Variants in TAS1R1 observed in about 807,000 individuals in gnomAD.
The protein encoded by TAS1R1 is taste 1 receptor member 1.
A neutral mutation model predicts 45.8 loss-of-function variants in TAS1R1; 31 were observed. The ratio of observed to expected loss-of-function variants is 0.68; its 90% CI spans 0.51 to 0.91. TAS1R1 has a LOEUF of 0.91. TAS1R1 is among the 40% of genes least tolerant of loss of function. TAS1R1 has a pLI of 0.00. For synonymous variants in TAS1R1, 437 were observed against 448.4 expected, an observed-to-expected ratio of 0.97 and a Z score of 0.32; for missense variants, 1,051 against 1,063.9, an observed-to-expected ratio of 0.99 and a Z score of 0.17.
chr1:6,560,997 A>AG (rs889112642), intron 1 of TAS1R1, among the ~76,000 whole-genome samples: 2 of 150,616 alleles, frequency 1.3e-5, no homozygotes, highest in East Asian at 3.9e-4. Context: ...AAAAAAAAAA[A>AG]AAAAAAAAGA....
chr1:6,579,320 G>T lies in TAS1R1; in HGVS notation c.2262G>T (p.Glu754Asp), dbSNP rs745625471. ...ACSYLGKDLP[E>D]NYNEAKCVTF... ...GCTACCTGGGTAAGGACTTGCCAGA[G>T]AACTACAACGAGGCCAAATGTGTCA... The change falls in exon 6 of 6, where the codon GAG becomes GAT. Residue 754 changes from glutamate to aspartate, a missense_variant. Coordinates refer to ENST00000333172, the MANE Select transcript of TAS1R1 (RefSeq NM_138697.4). 6.2e-7 allele frequency: 1 copy of T among 1,614,198 alleles called. No individual in the cohort carries two copies.
At chr1:6,576,799 C>T (rs763560682) in intron 4 of TAS1R1, 151 bp from the exon 5 acceptor site, 119 of 1,409,962 alleles carry the variant, frequency 8.4e-5, no homozygotes, top group Non-Finnish European at 1.1e-4. Flanking sequence ...GGCGAGTGTG[C>T]AGATGCCCTG....
chr1:6,558,333 T>C (rs574521796), intron 1 of TAS1R1, among the ~76,000 whole-genome samples: 2 of 152,178 alleles, frequency 1.3e-5, no homozygotes, highest in East Asian at 3.9e-4. Flanking sequence ...TGAGCCGTGG[T>C]GGTGAATTTT....
chr1:6,575,786 A>G (rs528049506), intron 3 of TAS1R1, among the ~76,000 whole-genome samples: 108 of 147,096 alleles, frequency 7.3e-4, no homozygotes, highest in African/African-American at 2.6e-3. Context: ...TCCGCCTCCC[A>G]GGTTCACTCC....
chr1:6,561,885 G>A (rs1264476242), intron 1 of TAS1R1, among the ~76,000 whole-genome samples: 1 of 152,134 alleles, frequency 6.6e-6, no homozygotes, highest in Admixed American at 6.6e-5. Flanking sequence ...GTCCAGTGGA[G>A]TTGAAGGAAT....
At chr1:6,570,024 G>GAGAGAGAGAGAGAGAGA (rs1553186697) in intron 1 of TAS1R1, among the ~76,000 whole-genome samples, 442 of 32,392 alleles carry the variant, frequency 0.014, 5 homozygotes, top group Admixed American at 0.035. Context: ...GGAGGGAGGG[G>GAGAGAGAGAGAGAGAGA]GAGAGAGAGA....
intron 1 of TAS1R1, among the ~76,000 whole-genome samples, chr1:6,566,992 G>A (rs890998618): frequency 6.6e-6 from 1 of 152,122 alleles, no homozygotes; most frequent in African/African-American, 2.4e-5. Context: ...AGTGGGTGCT[G>A]GGGAGAGGGG....
Position 6,555,521 on chromosome 1 carries a change from T to G in TAS1R1, c.148T>G (p.Cys50Gly), listed in dbSNP as rs1486401520. The change falls in exon 1 of 6, where the codon TGT becomes GGT. Residue 50 changes from cysteine to glycine, a missense_variant. Cys to Gly is a radical substitution (Grantham distance 159). Coordinates refer to ENST00000333172, the MANE Select transcript of TAS1R1 (RefSeq NM_138697.4). ...LAGLFPLHSG[C>G]LQVRHRPEVT... The stretch of plus-strand genomic sequence containing the variant: ...AGGCCTGTTCCCTCTCCATTCTGGC[T>G]GTCTGCAGGTGAGGCACAGACCCGA... 1 of 1,558,176 alleles carries G rather than the reference T, an allele frequency of 6.4e-7. No homozygotes were observed. The highest frequency in any genetic ancestry group is 1.9e-5 in the Admixed American group (1 of 51,712).
rs146721870 is a variant in TAS1R1, at chr1:6,574,375, G to A, written c.499-256G>A. 7.2e-5 allele frequency among the ~76,000 whole-genome samples: 11 copies of A among 152,264 alleles called. No individual in the cohort carries two copies. The highest frequency in any genetic ancestry group is 2.1e-4 in the South Asian group (1 of 4,826). On this transcript the variant is annotated intron_variant, in intron 2 of 5. Transcript: ENST00000333172. The surrounding 1 kb of genome is among the most constrained non-coding windows in gnomAD (Gnocchi z 4.3). ...AGTCCCTGAAGGTCCCCAAACACAC[G>A]GGACTATTTCACTCCTATGCAGGTT...
At chr1:6,573,135 T>C (rs1402064340) in intron 2 of TAS1R1, among the ~76,000 whole-genome samples, 3 of 152,162 alleles carry the variant, frequency 2.0e-5, no homozygotes, top group African/African-American at 7.2e-5. Context: ...CATTCCTCAC[T>C]GAAGTCAGAG....
At chr1:6,561,110 G>C (rs1299572875) in intron 1 of TAS1R1, among the ~76,000 whole-genome samples, 2 of 152,046 alleles carry the variant, frequency 1.3e-5, no homozygotes, top group Non-Finnish European at 1.5e-5. Flanking sequence ...ATATGGTCCT[G>C]TAAAAACTGG....
chr1:6,570,835 C>G, intron 1 of TAS1R1, 74 bp from the exon 2 acceptor site: 1 of 1,402,342 alleles, frequency 7.1e-7, no homozygotes, highest in Non-Finnish European at 9.7e-7. Flanking sequence ...TCCCAAGCCT[C>G]AGAGTCTAGG....
In TAS1R1 at chr1:6,579,654, T is replaced by A; in HGVS notation, c.*70T>A. ...GGTCGAAGGTCGAGCAGGCCGGGGGTGTCCGGGAGGTCTTTGGGCATCGCG... is the reference window on the plus strand; with the variant it reads ...GGTCGAAGGTCGAGCAGGCCGGGGGAGTCCGGGAGGTCTTTGGGCATCGCG... On this transcript the variant is annotated 3_prime_UTR_variant, in exon 6 of 6. Coordinates refer to ENST00000333172, the MANE Select transcript of TAS1R1 (RefSeq NM_138697.4). 2 of 1,525,668 alleles carry A rather than the reference T, an allele frequency of 1.3e-6. No homozygotes were observed. The highest frequency in any genetic ancestry group is 1.7e-6 in the Non-Finnish European group (2 of 1,143,864). The allele number at this position is 1,525,668 out of a possible 1,614,324, so 94.5% of individuals were successfully genotyped here.
chr1:6,558,041 TG>T lies in TAS1R1; in HGVS notation c.191+2478del, dbSNP rs199551362. Among the ~76,000 whole-genome samples, 307 of 141,376 alleles carry T rather than the reference TG, an allele frequency of 2.2e-3. 10 individuals are homozygous for T. The highest frequency in any genetic ancestry group is 6.0e-3 in the African/African-American group (225 of 37,762). 92.7% of individuals were successfully genotyped at this position (141,376 alleles called of 152,430 possible). A position where few individuals can be genotyped will look rare whatever the true frequency, so the allele number is the denominator to read the frequency against. On this transcript the variant is annotated intron_variant, in intron 1 of 5. Transcript: ENST00000333172. The stretch of plus-strand genomic sequence containing the variant: ...TTAAGCAGGTGTAGTGGTTAGTTTT[TG>T]TTTTTGTTTTTGTTTTTTTTCTGAG...
chr1:6,569,020 G>T (rs1025899264), intron 1 of TAS1R1, among the ~76,000 whole-genome samples: 33 of 152,320 alleles, frequency 2.2e-4, no homozygotes, highest in African/African-American at 6.7e-4. Context: ...CGGAGCGGAA[G>T]TGAGGAGGCT....
At chr1:6,576,353 G>A in intron 3 of TAS1R1, 62 bp from the exon 4 acceptor site, 1 of 1,556,502 alleles carries the variant, frequency 6.4e-7, no homozygotes, top group Non-Finnish European at 8.8e-7. Flanking sequence ...CCAGGCCCTT[G>A]CTTCTGGGAC....
rs965089417 is a variant in TAS1R1, at chr1:6,561,686, G to A, written c.191+6122G>A. 7.3e-5 allele frequency among the ~76,000 whole-genome samples: 11 copies of A among 150,542 alleles called. No homozygotes were observed. In the East Asian group the frequency reaches 2.0e-3, roughly 27 times the overall value. ...GCCCAGCTCGCGCCACCGCACTCCA[G>A]CTTGGGCAACAGAACGAGTTTCCGT... On this transcript the variant is annotated intron_variant, in intron 1 of 5. Coordinates refer to ENST00000333172, the MANE Select transcript of TAS1R1 (RefSeq NM_138697.4).
intron 1 of TAS1R1, among the ~76,000 whole-genome samples, chr1:6,568,461 G>GA (rs577853147): frequency 0.19 from 19,733 of 106,144 alleles, 1,526 homozygotes; most frequent in African/African-American, 0.28. Context: ...TCTCAAAAAA[G>GA]AAAAAAAAAA....
In TAS1R1 at chr1:6,575,084, A is replaced by T; in HGVS notation, c.952A>T (p.Ile318Phe). ...CACTGGGGTGCCCGGGATCCAGCGC[A>T]TTGGGATGGTGCTGGGCGTGGCCAT... is the stretch of plus-strand genomic sequence containing the variant. ...HITGVPGIQR[I>F]GMVLGVAIQK... The change falls in exon 3 of 6, where the codon ATT becomes TTT. Residue 318 changes from isoleucine (I) to phenylalanine (F), a missense_variant. Ile to Phe is a conservative substitution (Grantham distance 21). Coordinates refer to ENST00000333172, the MANE Select transcript of TAS1R1 (RefSeq NM_138697.4). 1 of 1,590,610 alleles carries T rather than the reference A, an allele frequency of 6.3e-7. No individual in the cohort carries two copies. The highest frequency in any genetic ancestry group is 8.6e-7 in the Non-Finnish European group (1 of 1,167,764).
Sources: gnomAD v4.1 joint callset for allele counts (sites outside exome capture counted in the v4.1 genomes callset) on GRCh38, gnomAD v4.1.1 for gene constraint, Gnocchi (gnomAD v3.1) non-coding constraint, MANE v1.5 for transcripts, NCBI Gene and HGNC (gene_info 2026-07-23, HGNC 2026-07-21) for gene names.